The following EPCAM variants were observed in gnomAD, a reference collection of about 807,000 sequenced individuals.
The protein encoded by EPCAM is adenocarcinoma-associated antigen.
In EPCAM, 39 loss-of-function variants were observed where a neutral mutation model predicts 40.0. The observed-to-expected ratio is 0.98, with a 90% CI of 0.76 to 1.27. The LOEUF (loss-of-function observed/expected upper bound fraction) is 1.27, where lower values mean the gene tolerates loss of function less well. Ranked by LOEUF, EPCAM falls within the 50% of genes most tolerant of loss-of-function variation. The probability of loss-of-function intolerance (pLI) is 0.00; values close to 1 mark genes in which losing one functional copy is unlikely to be tolerated. For missense variants in EPCAM, 503 were observed against 381.2 expected, an observed-to-expected ratio of 1.32 and a Z score of -2.66; for synonymous variants, 168 against 132.3, an observed-to-expected ratio of 1.27 and a Z score of -1.85.
chr2:47,380,564 A>G (rs193175446), intron 7 of EPCAM, among the ~76,000 whole-genome samples: 5 of 152,340 alleles, frequency 3.3e-5, no homozygotes, highest in African/African-American at 9.6e-5. Context: ...ACTGCAAACA[A>G]TTCAACACCT....
At position 47,377,356 on chromosome 2, in the gene EPCAM, C is replaced by T. The variant is rs139431274; in HGVS notation, c.555+279C>T. Among the ~76,000 whole-genome samples the T allele has an allele frequency of 4.6e-5, 7 of 152,174 alleles. No homozygotes were observed. In the East Asian group the frequency reaches 1.4e-3, roughly 29 times the overall value. ...GGTTCAAGCAATTCTCATGCCTCAG[C>T]CTCCCGAGGAGCTGGGACTACAGGC... On this transcript the variant is annotated intron_variant, in intron 5 of 8. Transcript: ENST00000263735.
In EPCAM at chr2:47,377,312, A is replaced by C. The variant is rs3923035; in HGVS notation, c.555+235A>C. 0.078 allele frequency among the ~76,000 whole-genome samples: 11,825 copies of C among 151,968 alleles called. 794 individuals are homozygous for C. Among genetic ancestry groups the C allele is most frequent in the African/African-American group, 0.18 (7,536 of 41,430 alleles). ...AGTGTCATGGCAAGATCTCGGCTCAATGTAACCTCTGCTTCCAAGGTTCAA... is the reference window on the plus strand; with the variant it reads ...AGTGTCATGGCAAGATCTCGGCTCACTGTAACCTCTGCTTCCAAGGTTCAA... On this transcript the variant is annotated intron_variant, in intron 5 of 8. Coordinates refer to ENST00000263735, the MANE Select transcript of EPCAM (RefSeq NM_002354.3).
intron 4 of EPCAM, among the ~76,000 whole-genome samples, chr2:47,376,325 C>T (rs1188582139): frequency 5.4e-5 from 8 of 149,446 alleles, no homozygotes; most frequent in African/African-American, 1.5e-4. Flanking sequence ...GGTGCAATCA[C>T]GGCTCACCGC....
chr2:47,370,612 A>G (rs60417954), intron 1 of EPCAM, among the ~76,000 whole-genome samples: 27,164 of 148,322 alleles, frequency 0.18, 3,291 homozygotes, highest in African/African-American at 0.35. Flanking sequence ...TTGTTCTGTC[A>G]CCCAGGCTGG....
rs948857957 is a variant in EPCAM, at chr2:47,370,454, G to C, written c.76+873G>C. ...ACCACCCCCCGCTAATTTTTGTATT[G>C]TTAGTAGAGACGGGGTTTCTCCATG... On this transcript the variant is annotated intron_variant, in intron 1 of 8. Transcript: ENST00000263735. 2.0e-5 allele frequency among the ~76,000 whole-genome samples: 3 copies of C among 151,774 alleles called. No homozygotes were observed. In the South Asian group the frequency reaches 6.2e-4, roughly 32 times the overall value.
intron 7 of EPCAM, among the ~76,000 whole-genome samples, chr2:47,383,600 G>GCTTCTTCTT (rs748996681): frequency 1.9e-5 from 2 of 104,566 alleles, no homozygotes. Flanking sequence ...ACTGTGCCCG[G>GCTTCTTCTT]CTTCTTCTTT....
chr2:47,376,933 C>T (rs528356102), intron 4 of EPCAM, 81 bp from the exon 5 acceptor site: 2 of 905,216 alleles, frequency 2.2e-6, no homozygotes, highest in Non-Finnish European at 3.7e-6. Flanking sequence ...AGACCCTGAG[C>T]TGTCTGCTTA....
In EPCAM at chr2:47,373,220, A is replaced by C. The variant is rs1465976847; in HGVS notation, c.77-243A>C. 1.2e-4 allele frequency among the ~76,000 whole-genome samples: 18 copies of C among 148,128 alleles called. No homozygotes were observed. The East Asian group carries it at 1.3e-3, about 10-fold the overall frequency. ...ACCCTATCTTTAAAAAAAAAAAAAA[A>C]AAAAAAAAAAAAAAACAGGAATGCA... On this transcript the variant is annotated intron_variant, in intron 1 of 8. Transcript: ENST00000263735.
At position 47,369,437 on chromosome 2, in the gene EPCAM, A is replaced by T. The variant is rs1052079647; in HGVS notation, c.-69A>T. The T allele has an allele frequency of 2.2e-6, 3 of 1,334,860 alleles. No homozygotes were observed. The highest frequency in any genetic ancestry group is 3.7e-5 in the Admixed American group (1 of 26,952). 82.7% of individuals were successfully genotyped at this position (1,334,860 alleles called of 1,614,324 possible). ...CTGCCCGGCCGGCTCCTCGTGTCCC[A>T]CTCCCGGCGCACGCCCTCCCGCGAG... On this transcript the variant is annotated 5_prime_UTR_variant, in exon 1 of 9. Transcript: ENST00000263735.
At chr2:47,386,309 ATCTTAT>A (rs1671741641) in intron 8 of EPCAM, among the ~76,000 whole-genome samples, 1 of 152,292 alleles carries the variant, frequency 6.6e-6, no homozygotes, top group East Asian at 1.9e-4. Context: ...TTTAATAAAA[ATCTTAT>A]TCTTAATGAT....
At chr2:47,382,635 G>C (rs573811406) in intron 7 of EPCAM, among the ~76,000 whole-genome samples, 1 of 152,162 alleles carries the variant, frequency 6.6e-6, no homozygotes. Context: ...GTAGTGAGCC[G>C]AGATCATGTC....
intron 1 of EPCAM, among the ~76,000 whole-genome samples, chr2:47,371,538 T>G (rs1186838088): frequency 6.6e-6 from 1 of 152,218 alleles, no homozygotes; most frequent in African/African-American, 2.4e-5. Flanking sequence ...GTAATTATAC[T>G]CTCAAAGTAA....
chr2:47,382,996 C>CT lies in EPCAM; in HGVS notation c.859-2158dup, dbSNP rs879299944. 2.5e-3 allele frequency among the ~76,000 whole-genome samples: 350 copies of CT among 142,470 alleles called. No individual in the cohort carries two copies. The Middle Eastern group carries it at 0.04, about 16-fold the overall frequency. 93.5% of individuals were successfully genotyped at this position (142,470 alleles called of 152,430 possible). On this transcript the variant is annotated intron_variant, in intron 7 of 8. Transcript: ENST00000263735. ...GCACACCAAACTGTTAAATTTCTTT[C>CT]TTTTTTTTTTTTGGAATGGAGTCTC...
In EPCAM at chr2:47,379,792, T is replaced by G. The variant is rs2103758783; in HGVS notation, c.681T>G (p.His227Gln). The change falls in exon 7 of 9, where the codon CAT (histidine) becomes CAG (glutamine). Residue 227 changes from histidine (H) to glutamine (Q), a missense_variant. Transcript: ENST00000263735. ...AGGTTAAAGGTGAATCCTTGTTTCA[T>G]TCTAAGAAAATGGACCTGACAGTAA... ...EKDVKGESLF[H>Q]SKKMDLTVNG... The G allele has an allele frequency of 6.2e-7, 1 of 1,613,700 alleles. No homozygotes were observed. Among genetic ancestry groups the G allele is most frequent in the Non-Finnish European group, 8.5e-7 (1 of 1,179,934 alleles).
At position 47,374,046 on chromosome 2, in the gene EPCAM, C is replaced by T. The variant is rs2103748062; in HGVS notation, c.423C>T (p.Thr141=). The part of the protein sequence containing the change: ...TEITCSERVR[T]YWIIIELKHK... ...TAACCTGCTCTGAGCGAGTGAGAACCTAGTGAGTGGGGCTGCCTATACTAC... is the reference window on the plus strand; with the variant it reads ...TAACCTGCTCTGAGCGAGTGAGAACTTAGTGAGTGGGGCTGCCTATACTAC... Residue 141 remains threonine (T), a splice_region_variant and synonymous_variant, in exon 3 of 9, where the codon ACC becomes ACT. Transcript: ENST00000263735. 2.5e-6 allele frequency: 4 copies of T among 1,614,152 alleles called. No individual in the cohort carries two copies. Among genetic ancestry groups the T allele is most frequent in the Non-Finnish European group, 3.4e-6 (4 of 1,180,022 alleles).
chr2:47,378,904 A>T (rs1442853174), intron 5 of EPCAM, 49 bp from the exon 6 acceptor site: 1 of 845,032 alleles, frequency 1.2e-6, no homozygotes, highest in Non-Finnish European at 2.0e-6. Context: ...TTTTCAAATG[A>T]TTTTGATTAT....
intron 3 of EPCAM, 102 bp downstream of exon 3, chr2:47,374,150 A>G: frequency 7.2e-7 from 1 of 1,386,494 alleles, no homozygotes; most frequent in Non-Finnish European, 1.0e-6. Flanking sequence ...TAGAATTCAG[A>G]AGATATGAGT....
Position 47,387,018 on chromosome 2 carries a change from GA to G in EPCAM, c.*407del, listed in dbSNP as rs1249552897. Reference sequence around the variant, plus strand: ...GCTATGAAATAAAACATTTTAAACTGAATTTCTTAACTTTGACATTTCAAAT... The same window carrying G: ...GCTATGAAATAAAACATTTTAAACTGATTTCTTAACTTTGACATTTCAAAT... On this transcript the variant is annotated 3_prime_UTR_variant, in exon 9 of 9. Transcript: ENST00000263735. 1 of 222,088 alleles carries G rather than the reference GA, an allele frequency of 4.5e-6. No homozygotes were observed. Among genetic ancestry groups the G allele is most frequent in the Non-Finnish European group, 8.9e-6 (1 of 112,056 alleles). The allele number at this position is 222,088 out of a possible 1,614,324, so 13.8% of individuals were successfully genotyped here. A position where few individuals can be genotyped will look rare whatever the true frequency, so the allele number is the denominator to read the frequency against.
rs1671753454 is a variant in EPCAM, at chr2:47,386,804, C to T, written c.*191C>T. ...GGCTTTACCAATCTTGAAATTTGAC[C>T]ACAAGTGTCTTATATATGCAGATCT... On this transcript the variant is annotated 3_prime_UTR_variant, in exon 9 of 9. Coordinates refer to ENST00000263735, the MANE Select transcript of EPCAM (RefSeq NM_002354.3). The T allele has an allele frequency of 4.1e-6, 2 of 484,866 alleles. No homozygotes were observed. The highest frequency in any genetic ancestry group is 3.8e-5 in the African/African-American group (2 of 51,958). 30.0% of individuals were successfully genotyped at this position (484,866 alleles called of 1,614,324 possible).
Sources: allele counts gnomAD v4.1 joint callset (sites outside exome capture counted in the v4.1 genomes callset), GRCh38; gene constraint gnomAD v4.1.1; transcripts MANE v1.5; gene names NCBI Gene and HGNC (gene_info 2026-07-23, HGNC 2026-07-21).